HIRA: variants seen among roughly 807,000 people sequenced by gnomAD.
The protein encoded by HIRA is protein HIRA.
HIRA carries 13 observed loss-of-function variants against 126.6 expected under a neutral mutation model. The observed-to-expected ratio is 0.10, with a 90% CI of 0.07 to 0.16. The LOEUF is 0.16. Among genes scored for constraint, HIRA ranks in the 10% least tolerant of loss-of-function variants. HIRA has a pLI of 1.00. For synonymous variants in HIRA, 511 were observed against 520.0 expected (o/e 0.98, Z 0.24); for missense variants, 834 against 1,314.4 (o/e 0.63, Z 5.65).
chr22:19,383,180 C>T (rs1247338883), intron 13 of HIRA, among the ~76,000 whole-genome samples: 2 of 151,978 alleles, frequency 1.3e-5, no homozygotes, highest in Non-Finnish European at 2.9e-5. Context: ...GATATAAAAA[C>T]ATTAACAGTG....
intron 17 of HIRA, among the ~76,000 whole-genome samples, chr22:19,360,136 T>C (rs972850024): frequency 3.3e-5 from 5 of 152,064 alleles, no homozygotes; most frequent in African/African-American, 1.2e-4. Flanking sequence ...TGTGGTAAAA[T>C]AGGCAGAACC....
chr22:19,373,937 T>TTTTTTTTTTTTTTTTTTG (rs71186604), intron 15 of HIRA, among the ~76,000 whole-genome samples: 2 of 151,520 alleles, frequency 1.3e-5, no homozygotes, highest in East Asian at 1.9e-4. Context: ...CTGGCTTTTT[T>TTTTTTTTTTTTTTTTTTG]GTTCACTCTT....
chr22:19,391,470 G>C (rs2089180655), intron 9 of HIRA, among the ~76,000 whole-genome samples: 1 of 150,438 alleles, frequency 6.6e-6, no homozygotes, highest in Non-Finnish European at 1.5e-5. Context: ...TTTATATAAA[G>C]ATTTTTCTTT....
rs372296546 is a variant in HIRA, at chr22:19,388,198, G to A, written c.1007+286C>T. Among the ~76,000 whole-genome samples, 5 of 152,326 alleles carry A rather than the reference G, an allele frequency of 3.3e-5. No homozygotes were observed. In the East Asian group the frequency reaches 7.7e-4, roughly 23 times the overall value. ...TCTGACTTTGGTTCATGCACTGACG[G>A]AGTAAAGTGGAACATACTAGGATCA... is the stretch of plus-strand genomic sequence containing the variant. On this transcript the variant is annotated intron_variant, in intron 10 of 24. Transcript: ENST00000263208.
chr22:19,337,080 A>G (rs1236364961), intron 24 of HIRA, among the ~76,000 whole-genome samples: 1 of 152,180 alleles, frequency 6.6e-6, no homozygotes, highest in Non-Finnish European at 1.5e-5. Flanking sequence ...TTAAAAAGGC[A>G]GAACTTTTTG....
chr22:19,393,072 G>A (rs2089195366), intron 8 of HIRA, among the ~76,000 whole-genome samples: 1 of 152,104 alleles, frequency 6.6e-6, no homozygotes, highest in South Asian at 2.1e-4. Flanking sequence ...GCGTGTCCCT[G>A]GGCTTGCTGT....
Position 19,385,513 on chromosome 22 carries a change from G to A in HIRA, c.1329+8C>T, listed in dbSNP as rs777745134. 6.2e-7 allele frequency: 1 copy of A among 1,610,554 alleles called. No homozygotes were observed. Among genetic ancestry groups the A allele is most frequent in the South Asian group, 1.1e-5 (1 of 91,018 alleles). On this transcript the variant is annotated splice_region_variant and intron_variant, in intron 12 of 24. Transcript: ENST00000263208. ...CATGTCTTTAGCGCCACCAGGCAGG[G>A]CTCTCACCTTCCTGATATCTTCAAG...
chr22:19,412,397 AAAT>A (rs2089361028), intron 1 of HIRA, among the ~76,000 whole-genome samples: 1 of 152,250 alleles, frequency 6.6e-6, no homozygotes, highest in Admixed American at 6.5e-5. Context: ...AATTATGAGC[AAAT>A]AATAAAACTG....
At chr22:19,334,262 A>G (rs1359048548) in intron 24 of HIRA, among the ~76,000 whole-genome samples, 3 of 150,978 alleles carry the variant, frequency 2.0e-5, no homozygotes, top group Admixed American at 2.0e-4. Flanking sequence ...GGCATGAGCC[A>G]CTGCACCCGG....
At chr22:19,371,424 C>A (rs1228004591) in intron 15 of HIRA, among the ~76,000 whole-genome samples, 1 of 151,958 alleles carries the variant, frequency 6.6e-6, no homozygotes, top group Non-Finnish European at 1.5e-5. Context: ...TTTTTTGGTT[C>A]ATTTCCAAAT....
intron 24 of HIRA, among the ~76,000 whole-genome samples, chr22:19,334,176 C>T (rs1457207454): frequency 5.3e-5 from 8 of 151,334 alleles, no homozygotes; most frequent in African/African-American, 9.7e-5. Flanking sequence ...GGGGTTCCAC[C>T]ATGTTAGCAA....
At chr22:19,387,284 G>A (rs1338511190) in intron 11 of HIRA, among the ~76,000 whole-genome samples, 2 of 152,218 alleles carry the variant, frequency 1.3e-5, no homozygotes, top group Non-Finnish European at 2.9e-5. Context: ...AGGGTTTTGT[G>A]CAATTTAAAT....
At chr22:19,396,460 G>A (rs1427359276) in intron 7 of HIRA, among the ~76,000 whole-genome samples, 2 of 152,224 alleles carry the variant, frequency 1.3e-5, no homozygotes, top group African/African-American at 4.8e-5. Flanking sequence ...AGGTTGCAGT[G>A]AGCTGAGATC....
chr22:19,358,995 C>T (rs1442002142), intron 18 of HIRA, among the ~76,000 whole-genome samples: 1 of 152,124 alleles, frequency 6.6e-6, no homozygotes, highest in Non-Finnish European at 1.5e-5. Flanking sequence ...GGAACCAGCC[C>T]AGGTCAAGGT....
At chr22:19,349,099 C>CT (rs1426095414) in intron 24 of HIRA, among the ~76,000 whole-genome samples, 8 of 150,162 alleles carry the variant, frequency 5.3e-5, no homozygotes, top group African/African-American at 9.8e-5. Context: ...CTTGATTTTA[C>CT]TTTTTTTTAA....
chr22:19,425,642 A>G (rs1006812366), intron 1 of HIRA, among the ~76,000 whole-genome samples: 5 of 152,126 alleles, frequency 3.3e-5, no homozygotes, highest in African/African-American at 1.2e-4. Flanking sequence ...AGAAAATCCC[A>G]TTTCCTGGCC....
intron 21 of HIRA, 105 bp from the exon 22 acceptor site, chr22:19,354,223 C>G: frequency 8.3e-7 from 1 of 1,200,402 alleles, no homozygotes; most frequent in Non-Finnish European, 1.1e-6. Context: ...GAAGCAGCCC[C>G]TGCCGACACA....
At position 19,382,121 on chromosome 22, in the gene HIRA, A is replaced by C. The variant is rs140322943; in HGVS notation, c.1415+1499T>G. Among the ~76,000 whole-genome samples, 498 of 152,334 alleles carry C rather than the reference A, an allele frequency of 3.3e-3. 2 individuals carry two copies. The highest frequency in any genetic ancestry group is 0.012 in the African/African-American group (479 of 41,570). ...TCTTCTTTCTTGATTAGCTAAGCTA[A>C]TAAGGACCTATCCTGTTGCTACGTG... On this transcript the variant is annotated intron_variant, in intron 13 of 24. Coordinates refer to ENST00000263208, the MANE Select transcript of HIRA (RefSeq NM_003325.4).
chr22:19,407,356 G>T (rs2089316498), intron 3 of HIRA, 82 bp from the exon 4 acceptor site: 5 of 1,110,328 alleles, frequency 4.5e-6, no homozygotes, highest in Non-Finnish European at 6.8e-6. Context: ...AGATGTAAAG[G>T]GTTTATAAAA....
Sources: gnomAD v4.1 joint callset for allele counts (sites outside exome capture counted in the v4.1 genomes callset) on GRCh38, gnomAD v4.1.1 for gene constraint, MANE v1.5 for transcripts, NCBI Gene and HGNC (gene_info 2026-07-23, HGNC 2026-07-21) for gene names.